The following SNX29 variants were observed in gnomAD, a reference collection of about 807,000 sequenced individuals.
SNX29 encodes the protein sorting nexin-29.
SNX29 carries 78 observed loss-of-function variants against 102.1 expected under a neutral mutation model. That is an observed-to-expected ratio of 0.76 (90% confidence interval 0.64 to 0.92). The LOEUF is 0.92. SNX29 is among the 40% of genes least tolerant of loss of function. The probability of loss-of-function intolerance (pLI) is 0.00; values close to 1 mark genes in which losing one functional copy is unlikely to be tolerated. For synonymous variants in SNX29, 580 were observed against 414.5 expected (o/e 1.40, Z -4.85); for missense variants, 1,280 against 1,061.7 (o/e 1.21, Z -2.86).
At chr16:12,551,634 G>A (rs778747950) in intron 20 of SNX29, among the ~76,000 whole-genome samples, 1 of 152,210 alleles carries the variant, frequency 6.6e-6, no homozygotes, top group African/African-American at 2.4e-5. Flanking sequence ...CATCAACCCA[G>A]CAAGTATTTT....
chr16:12,491,694 A>T (rs2088556540), intron 19 of SNX29, among the ~76,000 whole-genome samples: 1 of 150,782 alleles, frequency 6.6e-6, no homozygotes, highest in South Asian at 2.1e-4. Flanking sequence ...CCAACCCCAC[A>T]ACAGTCCCCG....
intron 8 of SNX29, among the ~76,000 whole-genome samples, chr16:12,059,962 G>A (rs183739833): frequency 6.6e-6 from 1 of 152,156 alleles, no homozygotes; most frequent in Admixed American, 6.5e-5. Context: ...CCTTCCCTTT[G>A]TCTGCCCCCG....
intron 20 of SNX29, among the ~76,000 whole-genome samples, chr16:12,543,268 A>G (rs956702378): frequency 1.3e-5 from 2 of 152,186 alleles, no homozygotes; most frequent in Non-Finnish European, 2.9e-5. Flanking sequence ...CTGGGTCATC[A>G]GCGCATGCAT....
chr16:12,032,627 G>T (rs2057376627), intron 4 of SNX29, among the ~76,000 whole-genome samples: 1 of 152,088 alleles, frequency 6.6e-6, no homozygotes, highest in Non-Finnish European at 1.5e-5. Flanking sequence ...TGGTACTGCT[G>T]TGAATATGAA....
chr16:12,144,880 C>T (rs976979346), intron 13 of SNX29, among the ~76,000 whole-genome samples: 2 of 152,204 alleles, frequency 1.3e-5, no homozygotes, highest in Non-Finnish European at 2.9e-5. Flanking sequence ...TGCCACCACA[C>T]CCGGCAAAGT....
chr16:12,044,907 T>C (rs1464429631), intron 5 of SNX29, among the ~76,000 whole-genome samples: 38 of 152,312 alleles, frequency 2.5e-4, no homozygotes, highest in Admixed American at 2.5e-3. Context: ...AGTGAATTTC[T>C]GTGAAGCTCC....
chr16:12,543,311 C>T (rs539009561), intron 20 of SNX29, among the ~76,000 whole-genome samples: 81 of 152,308 alleles, frequency 5.3e-4, no homozygotes, highest in African/African-American at 1.8e-3. Flanking sequence ...GGGAATGGAG[C>T]ACCTTGATTA....
At chr16:12,541,246 ATATCT>A (rs1567678121) in intron 20 of SNX29, among the ~76,000 whole-genome samples, 4 of 152,276 alleles carry the variant, frequency 2.6e-5, no homozygotes, top group African/African-American at 9.6e-5. Flanking sequence ...ACCATGTATC[ATATCT>A]TATCAGGGAG....
At chr16:12,175,127 A>G (rs1384619551) in intron 13 of SNX29, among the ~76,000 whole-genome samples, 2 of 152,164 alleles carry the variant, frequency 1.3e-5, no homozygotes, top group Non-Finnish European at 2.9e-5. Flanking sequence ...GGGATTATCT[A>G]AATTTTTACT....
intron 3 of SNX29, among the ~76,000 whole-genome samples, chr16:12,013,500 A>ATATATATATAT (rs1555518837): frequency 2.2e-4 from 7 of 31,612 alleles, no homozygotes; most frequent in Admixed American, 5.6e-4. Context: ...AAAAAAAAAA[A>ATATATATATAT]ATATATATAT....
chr16:12,134,475 G>A (rs1300035586), intron 13 of SNX29, among the ~76,000 whole-genome samples: 1 of 152,186 alleles, frequency 6.6e-6, no homozygotes, highest in African/African-American at 2.4e-5. Context: ...GCTTCATCCT[G>A]TGGCTGTTGG....
At chr16:12,409,710 A>T (rs965504930) in intron 18 of SNX29, among the ~76,000 whole-genome samples, 1 of 152,170 alleles carries the variant, frequency 6.6e-6, no homozygotes, top group African/African-American at 2.4e-5. Context: ...TTAGGCCTTA[A>T]AAAAGCTCAC....
chr16:12,410,577 C>G (rs4780432), intron 18 of SNX29, among the ~76,000 whole-genome samples: 74,025 of 151,898 alleles, frequency 0.49, 19,277 homozygotes, highest in Non-Finnish European at 0.59. Context: ...TCCTAAGTAT[C>G]TGGAACTGTA....
In SNX29 at chr16:12,350,457, A is replaced by G. The variant is rs1205724472; in HGVS notation, c.1783-5706A>G. ...TTTAATAGAAGGTACTGGAGTGCCC[A>G]TGGATTTTGCTATCCGTGTGGAGTC... On this transcript the variant is annotated intron_variant, in intron 15 of 20. Coordinates refer to ENST00000566228, the MANE Select transcript of SNX29 (RefSeq NM_032167.5). Among the ~76,000 whole-genome samples, 3 of 152,132 alleles carry G rather than the reference A, an allele frequency of 2.0e-5. No homozygotes were observed. In the East Asian group the frequency reaches 5.8e-4, roughly 29 times the overall value.
chr16:12,162,018 G>T (rs574925092), intron 13 of SNX29, among the ~76,000 whole-genome samples: 1 of 152,078 alleles, frequency 6.6e-6, no homozygotes, highest in Non-Finnish European at 1.5e-5. Flanking sequence ...ACCCCTGTTG[G>T]TTTCTTTTCA....
At chr16:12,159,968 C>A (rs1483884480) in intron 13 of SNX29, among the ~76,000 whole-genome samples, 1 of 152,252 alleles carries the variant, frequency 6.6e-6, no homozygotes, top group Non-Finnish European at 1.5e-5. Context: ...ATTTTCTTTA[C>A]TGAAAATCTA....
At chr16:12,075,834 T>C (rs1001877229) in intron 10 of SNX29, among the ~76,000 whole-genome samples, 1 of 152,236 alleles carries the variant, frequency 6.6e-6, no homozygotes, top group South Asian at 2.1e-4. Context: ...TCGAGCTTCC[T>C]GGCTGCTTTG....
intron 20 of SNX29, among the ~76,000 whole-genome samples, chr16:12,566,914 G>C (rs1274813417): frequency 6.6e-6 from 1 of 152,198 alleles, no homozygotes; most frequent in Non-Finnish European, 1.5e-5. Flanking sequence ...CATTAAAAGG[G>C]GTCTTCATTT....
intron 20 of SNX29, among the ~76,000 whole-genome samples, chr16:12,559,227 A>T (rs1279311047): frequency 6.6e-6 from 1 of 151,666 alleles, no homozygotes; most frequent in African/African-American, 2.4e-5. Flanking sequence ...ATTTACAGCC[A>T]CTCCCCATCA....
Sources: gnomAD v4.1 joint callset for allele counts (sites outside exome capture counted in the v4.1 genomes callset) on GRCh38, gnomAD v4.1.1 for gene constraint, MANE v1.5 for transcripts, NCBI Gene and HGNC (gene_info 2026-07-23, HGNC 2026-07-21) for gene names.